The following NKTR variants were observed in gnomAD, a reference collection of about 807,000 sequenced individuals.
NKTR encodes NK-tumor recognition protein.
NKTR carries 67 observed loss-of-function variants against 156.3 expected under a neutral mutation model. That is an observed-to-expected ratio of 0.43 (90% CI 0.35 to 0.53). The LOEUF is 0.53. Ranked by LOEUF, NKTR falls within the 20% of genes least tolerant of loss-of-function variation. The probability of loss-of-function intolerance (pLI) is 0.01; values close to 1 mark genes in which losing one functional copy is unlikely to be tolerated. For synonymous variants in NKTR, 640 were observed against 596.6 expected, an observed-to-expected ratio of 1.07 and a Z score of -1.06; for missense variants, 1,604 against 1,730.9, an observed-to-expected ratio of 0.93 and a Z score of 1.30.
intron 8 of NKTR, among the ~76,000 whole-genome samples, chr3:42,631,691 T>C (rs1708919508): frequency 6.6e-6 from 1 of 152,210 alleles, no homozygotes; most frequent in African/African-American, 2.4e-5. Context: ...AACCATAGTT[T>C]GCATTCATGT....
At chr3:42,630,633 A>T in intron 7 of NKTR, 58 bp downstream of exon 7, 1 of 1,610,488 alleles carries the variant, frequency 6.2e-7, no homozygotes, top group Non-Finnish European at 8.5e-7. Context: ...CCATAAAGAG[A>T]GATTGGACCA....
chr3:42,601,111 G>T (rs1296356168), intron 2 of NKTR, 47 bp downstream of exon 2: 17 of 1,483,680 alleles, frequency 1.1e-5, no homozygotes, highest in Admixed American at 4.2e-5. Context: ...GCCTGCCTTG[G>T]CGAAGGGGAG....
Position 42,619,057 on chromosome 3 carries a change from A to G in NKTR, c.171A>G (p.Leu57=), listed in dbSNP as rs144983954. The part of the protein sequence containing the change: ...KGLGKTTGKK[L]CYKGSTFHRV... ...TTGGGAAAACAACTGGGAAGAAGTT[A>G]TGTTATAAAGGTTCTACGTTCCATC... is the stretch of plus-strand genomic sequence containing the variant. Residue 57 remains leucine, a synonymous_variant, in exon 4 of 17, where the codon TTA becomes TTG. Coordinates refer to ENST00000232978, the MANE Select transcript of NKTR (RefSeq NM_005385.4). 2.2e-4 allele frequency: 356 copies of G among 1,598,450 alleles called. No homozygotes were observed. In the African/African-American group the frequency reaches 4.6e-3, roughly 20 times the overall value.
intron 2 of NKTR, among the ~76,000 whole-genome samples, chr3:42,604,087 A>G (rs1005525345): frequency 6.6e-6 from 1 of 152,122 alleles, no homozygotes; most frequent in Non-Finnish European, 1.5e-5. Context: ...TGTCAAGTTT[A>G]TGTGCTTAGA....
chr3:42,645,526 T>TA (rs1216726762), intron 16 of NKTR, among the ~76,000 whole-genome samples: 15 of 151,720 alleles, frequency 9.9e-5, no homozygotes, highest in Admixed American at 5.9e-4. Flanking sequence ...CTCTACTAAA[T>TA]AAAAAAAATT....
intron 16 of NKTR, 32 bp downstream of exon 16, chr3:42,644,035 C>A: frequency 6.9e-7 from 1 of 1,454,312 alleles, no homozygotes; most frequent in Non-Finnish European, 9.6e-7. Flanking sequence ...TCCTTTATCG[C>A]ACTGTAGGCC....
chr3:42,632,402 A>G (rs1298764544), intron 8 of NKTR, among the ~76,000 whole-genome samples, 199 bp from the exon 9 acceptor site: 2 of 152,150 alleles, frequency 1.3e-5, no homozygotes, highest in Non-Finnish European at 2.9e-5. Flanking sequence ...ACAAGAATAT[A>G]GGCTTCATAA....
In NKTR at chr3:42,637,850, C is replaced by T. The variant is rs1709558948; in HGVS notation, c.2146C>T (p.His716Tyr). ...AAGATCACGTAGTCTAGCTAGTTCA[C>T]ATTCAAGGTCTAGGTCTCCATCATC... The part of the protein sequence containing the change: ...YTRSRSLASS[H>Y]SRSRSPSSRS... Residue 716 changes from histidine to tyrosine, a missense_variant, in exon 13 of 17, where the codon CAT becomes TAT. This residue lies in a region of NKTR where 1,255 missense variants were observed against 1,243.7 expected (regional missense o/e 1.01). Transcript: ENST00000232978. The T allele has an allele frequency of 6.2e-7, 1 of 1,613,848 alleles. No homozygotes were observed. Among genetic ancestry groups the T allele is most frequent in the East Asian group, 2.2e-5 (1 of 44,872 alleles).
At chr3:42,605,480 T>TAAA (rs1706144622) in intron 2 of NKTR, among the ~76,000 whole-genome samples, 1 of 152,220 alleles carries the variant, frequency 6.6e-6, no homozygotes, top group Non-Finnish European at 1.5e-5. Context: ...TTCAGGCAAA[T>TAAA]GTTTGAGTAC....
chr3:42,626,507 G>C (rs1032126894), intron 6 of NKTR, among the ~76,000 whole-genome samples: 1 of 152,000 alleles, frequency 6.6e-6, no homozygotes, highest in Non-Finnish European at 1.5e-5. Flanking sequence ...CATCTCTCTT[G>C]CCTTTTTATT....
At chr3:42,618,948 T>C in intron 3 of NKTR, 72 bp from the exon 4 acceptor site, 1 of 1,258,898 alleles carries the variant, frequency 7.9e-7, no homozygotes, top group Non-Finnish European at 1.1e-6. Context: ...ACAGGATTAA[T>C]TGGTTTGTTC....
chr3:42,610,883 A>T (rs1706728838), intron 2 of NKTR, among the ~76,000 whole-genome samples: 1 of 152,192 alleles, frequency 6.6e-6, no homozygotes, highest in Non-Finnish European at 1.5e-5. Flanking sequence ...AATTAATAGC[A>T]GCACTCTTTT....
chr3:42,645,915 T>C lies in NKTR; in HGVS notation c.4329T>C (p.Ser1443=). The C allele has an allele frequency of 1.2e-6, 2 of 1,613,462 alleles. No individual in the cohort carries two copies. Among genetic ancestry groups the C allele is most frequent in the Non-Finnish European group, 1.7e-6 (2 of 1,179,530 alleles). Residue 1443 remains serine (S), a synonymous_variant, in exon 17 of 17, where the codon AGT becomes AGC. Coordinates refer to ENST00000232978, the MANE Select transcript of NKTR (RefSeq NM_005385.4). ...SRSCRSYGSD[S]ESDRSYSHHR... ...GTTGTAGATCTTATGGCTCTGACAG[T>C]GAAAGTGACCGAAGTTACTCTCATC...
chr3:42,603,236 G>A (rs547181882), intron 2 of NKTR, among the ~76,000 whole-genome samples: 1 of 151,538 alleles, frequency 6.6e-6, no homozygotes, highest in East Asian at 1.9e-4. Context: ...CAGGCATGGT[G>A]GTGCTCACCT....
At chr3:42,640,104 G>T (rs1222830661) in intron 13 of NKTR, among the ~76,000 whole-genome samples, 1 of 152,176 alleles carries the variant, frequency 6.6e-6, no homozygotes, top group Non-Finnish European at 1.5e-5. Flanking sequence ...TATAGAATTT[G>T]CAGATCATTA....
intron 9 of NKTR, 108 bp from the exon 10 acceptor site, chr3:42,633,472 T>C: frequency 6.8e-7 from 1 of 1,473,748 alleles, no homozygotes. Context: ...TGAGTGAGAC[T>C]TGTAAGCTAT....
chr3:42,604,359 A>C (rs1226158893), intron 2 of NKTR, among the ~76,000 whole-genome samples: 1 of 150,200 alleles, frequency 6.7e-6, no homozygotes, highest in Non-Finnish European at 1.5e-5. Flanking sequence ...ATGTTGAAGC[A>C]TAGATTGTTG....
At position 42,642,650 on chromosome 3, in the gene NKTR, G is replaced by A. The variant is rs953167385; in HGVS notation, c.4142+54G>A. ...GGTCTCCATCATGTCCACTTTTTAA[G>A]GCTACATAGGCAGAGGGGGTAGTTG... On this transcript the variant is annotated intron_variant, in intron 14 of 16. Coordinates refer to ENST00000232978, the MANE Select transcript of NKTR (RefSeq NM_005385.4). 11 of 1,226,096 alleles carry A rather than the reference G, an allele frequency of 9.0e-6. No individual in the cohort carries two copies. In the African/African-American group the frequency reaches 1.5e-4, roughly 17 times the overall value. 76.0% of individuals were successfully genotyped at this position (1,226,096 alleles called of 1,614,324 possible).
At chr3:42,605,715 A>G (rs539337549) in intron 2 of NKTR, among the ~76,000 whole-genome samples, 39 of 152,312 alleles carry the variant, frequency 2.6e-4, no homozygotes, top group Non-Finnish European at 4.1e-4. Flanking sequence ...TCCGCTCTCA[A>G]GGTCACCCTG....
Sources: allele counts gnomAD v4.1 joint callset (sites outside exome capture counted in the v4.1 genomes callset), GRCh38; gene constraint gnomAD v4.1.1; regional missense constraint gnomAD v4.1.1; transcripts MANE v1.5; gene names NCBI Gene and HGNC (gene_info 2026-07-23, HGNC 2026-07-21).